GRM7: variants seen among roughly 807,000 people sequenced by gnomAD.
GRM7 encodes the protein glutamate metabotropic receptor 7.
Under a neutral mutation model 84.5 loss-of-function variants are expected in GRM7, and 35 were observed. The observed-to-expected ratio is 0.41, with a 90% CI of 0.32 to 0.55. The LOEUF (loss-of-function observed/expected upper bound fraction) is 0.55, where lower values mean the gene tolerates loss of function less well. GRM7 is among the 20% of genes least tolerant of loss of function. The pLI is 0.19. For synonymous variants in GRM7, 487 were observed against 455.1 expected (o/e 1.07, Z -0.89); for missense variants, 1,003 against 1,194.6 (o/e 0.84, Z 2.36).
At chr3:7,029,303 AAAAAAAAAAAAC>A (rs1197370947) in intron 1 of GRM7, among the ~76,000 whole-genome samples, 24 of 87,636 alleles carry the variant, frequency 2.7e-4, no homozygotes, top group African/African-American at 1.4e-3. Flanking sequence ...CTCTGCCTCA[AAAAAAAAAAAAC>A]AAAAAAAAAA....
In GRM7 at chr3:7,597,041, C is replaced by G. The variant is rs899809752; in HGVS notation, c.2451+17684C>G. Among the ~76,000 whole-genome samples the G allele has an allele frequency of 2.0e-5, 3 of 151,972 alleles. No homozygotes were observed. The East Asian group carries it at 5.8e-4, about 29-fold the overall frequency. ...TTTTCTGTCTTAGGCCATTATTATT[C>G]GGCTATAAAGAAATACCTGAGACTG... is the stretch of plus-strand genomic sequence containing the variant. On this transcript the variant is annotated intron_variant, in intron 8 of 9. Coordinates refer to ENST00000357716, the MANE Select transcript of GRM7 (RefSeq NM_000844.4).
chr3:7,726,611 C>CTATA (rs1702136909), intron 9 of GRM7, among the ~76,000 whole-genome samples: 1 of 70,460 alleles, frequency 1.4e-5, no homozygotes, highest in Non-Finnish European at 2.8e-5. Context: ...CTCTCTCTCC[C>CTATA]TCTATATATA....
intron 1 of GRM7, among the ~76,000 whole-genome samples, chr3:6,986,417 T>TG (rs1361524540): frequency 6.6e-6 from 1 of 152,076 alleles, no homozygotes; most frequent in Non-Finnish European, 1.5e-5. Flanking sequence ...TAATGAACAT[T>TG]GAAAAACAAA....
At position 7,229,747 on chromosome 3, in the gene GRM7, ATATATATATATATTT is replaced by A. The variant is rs1697113210; in HGVS notation, c.737-68935_737-68921del. The stretch of plus-strand genomic sequence containing the variant: ...CACACATATATATATATATATATAT[ATATATATATATATTT>A]TTTTTTTTTTTTGGTTGACAGGTGT... On this transcript the variant is annotated intron_variant, in intron 2 of 9. Coordinates refer to ENST00000357716, the MANE Select transcript of GRM7 (RefSeq NM_000844.4). Among the ~76,000 whole-genome samples the A allele has an allele frequency of 5.7e-4, 17 of 29,766 alleles. 2 individuals carry two copies. The highest frequency in any genetic ancestry group is 3.9e-3 in the Admixed American group (8 of 2,070). 19.5% of individuals were successfully genotyped at this position (29,766 alleles called of 152,430 possible).
intron 8 of GRM7, among the ~76,000 whole-genome samples, chr3:7,655,237 T>C (rs2125118006): frequency 6.6e-6 from 1 of 152,328 alleles, no homozygotes; most frequent in South Asian, 2.1e-4. Flanking sequence ...TATAGTTGAA[T>C]TTGTGGCAGA....
chr3:6,943,251 A>G (rs1163111771), intron 1 of GRM7, among the ~76,000 whole-genome samples: 1 of 151,876 alleles, frequency 6.6e-6, no homozygotes. Context: ...TTTATGGACC[A>G]TAAAAGAAAA....
intron 4 of GRM7, among the ~76,000 whole-genome samples, chr3:7,392,607 T>G (rs1243416959): frequency 6.6e-6 from 1 of 152,194 alleles, no homozygotes. Context: ...GCCTGAGTCT[T>G]GGTCTCCCAG....
intron 2 of GRM7, among the ~76,000 whole-genome samples, chr3:7,266,159 A>G (rs1244577017): frequency 1.3e-5 from 2 of 152,334 alleles, no homozygotes; most frequent in East Asian, 3.9e-4. Context: ...TGAAGGTACA[A>G]TAATACAGTA....
At chr3:7,038,873 A>G (rs771748657) in intron 1 of GRM7, among the ~76,000 whole-genome samples, 6 of 152,216 alleles carry the variant, frequency 3.9e-5, no homozygotes, top group Non-Finnish European at 8.8e-5. Flanking sequence ...AAAAAATTAT[A>G]ATACCCATGT....
intron 1 of GRM7, among the ~76,000 whole-genome samples, chr3:6,961,409 C>A (rs919227425): frequency 5.3e-5 from 8 of 152,196 alleles, no homozygotes; most frequent in African/African-American, 1.9e-4. Flanking sequence ...ACTTTCCTGG[C>A]AAACCCTCTC....
At chr3:7,073,976 A>T in intron 1 of GRM7, among the ~76,000 whole-genome samples, 1 of 74,010 alleles carries the variant, frequency 1.4e-5, no homozygotes, top group Admixed American at 1.0e-4. Context: ...AGGGTGAAAC[A>T]AAAACATCAC....
At chr3:7,161,662 A>G (rs901768325) in intron 2 of GRM7, among the ~76,000 whole-genome samples, 2 of 152,212 alleles carry the variant, frequency 1.3e-5, no homozygotes, top group African/African-American at 4.8e-5. Context: ...TGAATATATT[A>G]GTAACAATAT....
At chr3:7,124,334 T>C (rs1693326190) in intron 1 of GRM7, among the ~76,000 whole-genome samples, 1 of 151,954 alleles carries the variant, frequency 6.6e-6, no homozygotes, top group East Asian at 1.9e-4. Flanking sequence ...TCTCACAGAG[T>C]AGAGCTACTA....
chr3:7,528,738 A>AT (rs371092929), intron 7 of GRM7, among the ~76,000 whole-genome samples: 13 of 151,442 alleles, frequency 8.6e-5, no homozygotes, highest in Admixed American at 2.6e-4. Flanking sequence ...TTTTGTAAAG[A>AT]TTTTTTTTTA....
intron 4 of GRM7, among the ~76,000 whole-genome samples, chr3:7,371,923 G>A (rs1487078817): frequency 6.6e-6 from 1 of 152,160 alleles, no homozygotes; most frequent in East Asian, 1.9e-4. Flanking sequence ...CGGAACAGGG[G>A]ACCCTAAAGA....
intron 5 of GRM7, among the ~76,000 whole-genome samples, chr3:7,416,637 A>G (rs1696171352): frequency 6.6e-6 from 1 of 152,156 alleles, no homozygotes; most frequent in Non-Finnish European, 1.5e-5. Context: ...AACAATAATG[A>G]TATAAAATAA....
In GRM7 at chr3:6,893,146, A is replaced by G. The variant is rs181751027; in HGVS notation, c.519+31239A>G. On this transcript the variant is annotated intron_variant, in intron 1 of 9. Transcript: ENST00000357716. ...TTATTTCAATATCCTCGAGGGTCAA[A>G]AAAATTAAGGAAGTTATTCTAGCTC... is the stretch of plus-strand genomic sequence containing the variant. 1.1e-3 allele frequency: 161 copies of G among 152,292 alleles called. 1 individual carries two copies. Among genetic ancestry groups the G allele is most frequent in the African/African-American group, 3.8e-3 (158 of 41,562 alleles). 9.4% of individuals were successfully genotyped at this position (152,292 alleles called of 1,614,324 possible).
chr3:7,428,503 G>C (rs187423647), intron 5 of GRM7, among the ~76,000 whole-genome samples: 4 of 152,240 alleles, frequency 2.6e-5, no homozygotes, highest in East Asian at 1.9e-4. Context: ...GCTTACTCTT[G>C]AAAAGTGTAC....
At chr3:7,643,854 A>T (rs1698479270) in intron 8 of GRM7, among the ~76,000 whole-genome samples, 1 of 152,162 alleles carries the variant, frequency 6.6e-6, no homozygotes, top group Admixed American at 6.5e-5. Flanking sequence ...CATTCACAGT[A>T]GAAGCAGCAT....
Sources: gnomAD v4.1 joint callset for allele counts (sites outside exome capture counted in the v4.1 genomes callset) on GRCh38, gnomAD v4.1.1 for gene constraint, MANE v1.5 for transcripts, NCBI Gene and HGNC (gene_info 2026-07-23, HGNC 2026-07-21) for gene names.